The following PPHLN1 variants were observed in gnomAD, a reference collection of about 807,000 sequenced individuals.
PPHLN1 encodes the protein periphilin 1.
In PPHLN1, 29 loss-of-function variants were observed where a neutral mutation model predicts 51.3. That is an observed-to-expected ratio of 0.57 (90% CI 0.42 to 0.77). PPHLN1 has a LOEUF of 0.77. Ranked by LOEUF, PPHLN1 falls within the 30% of genes least tolerant of loss-of-function variation. PPHLN1 has a pLI of 0.00. For missense variants in PPHLN1, 436 were observed against 438.4 expected (o/e 0.99, Z 0.05); for synonymous variants, 147 against 147.8 (o/e 0.99, Z 0.04).
At chr12:42,420,702 T>G (rs867749147) in intron 9 of PPHLN1, among the ~76,000 whole-genome samples, 1 of 28,302 alleles carries the variant, frequency 3.5e-5, no homozygotes, top group Non-Finnish European at 7.8e-5. Flanking sequence ...CTCCCCTCCC[T>G]CCCTCTCTCT....
At chr12:42,397,742 T>A (rs1173558831) in intron 8 of PPHLN1, among the ~76,000 whole-genome samples, 1 of 151,754 alleles carries the variant, frequency 6.6e-6, no homozygotes, top group African/African-American at 2.4e-5. Flanking sequence ...AAAACTAGGT[T>A]TGTTTGTTTT....
chr12:42,369,469 G>T (rs903941812), intron 4 of PPHLN1, among the ~76,000 whole-genome samples: 1 of 152,096 alleles, frequency 6.6e-6, no homozygotes, highest in South Asian at 2.1e-4. Flanking sequence ...CCTTTTACTG[G>T]TTTAATGGAA....
At chr12:42,335,306 T>A (rs972760670) in intron 1 of PPHLN1, among the ~76,000 whole-genome samples, 2 of 152,080 alleles carry the variant, frequency 1.3e-5, no homozygotes, top group South Asian at 2.1e-4. Context: ...TAAAATAAAT[T>A]TATAGCGTTA....
At chr12:42,329,107 T>TG (rs1179431865) in intron 1 of PPHLN1, among the ~76,000 whole-genome samples, 3,317 of 145,350 alleles carry the variant, frequency 0.023, 49 homozygotes, top group African/African-American at 0.047. Flanking sequence ...TTTTTTTTTT[T>TG]TTGTGTGTGT....
chr12:42,372,207 G>T (rs2075871664), intron 4 of PPHLN1, among the ~76,000 whole-genome samples: 1 of 152,176 alleles, frequency 6.6e-6, no homozygotes, highest in Non-Finnish European at 1.5e-5. Flanking sequence ...ATTGAGGCCT[G>T]TTGTGATGTT....
chr12:42,433,491 T>G, intron 9 of PPHLN1: 1 of 236,594 alleles, frequency 4.2e-6, no homozygotes, highest in Non-Finnish European at 8.3e-6. Context: ...CCTGGCTAAT[T>G]TTTTCTATTT....
rs562783456 is a variant in PPHLN1 at position 42,362,708 on chromosome 12, C to G, written c.299+7486C>G. 3.9e-5 allele frequency among the ~76,000 whole-genome samples: 6 copies of G among 152,288 alleles called. No homozygotes were observed. In the South Asian group the frequency reaches 1.2e-3, roughly 32 times the overall value. On this transcript the variant is annotated intron_variant, in intron 4 of 9. Transcript: ENST00000358314. ...TGTATTCATGACTATGAGATCATGG[C>G]ATTACCTTTTCTTTTATTGCATACT... is the stretch of plus-strand genomic sequence containing the variant.
intron 1 of PPHLN1, among the ~76,000 whole-genome samples, chr12:42,328,862 A>G (rs975777795): frequency 6.6e-6 from 1 of 152,096 alleles, no homozygotes; most frequent in African/African-American, 2.4e-5. Flanking sequence ...GGCATGTCCC[A>G]CCATGCCTGG....
downstream of PPHLN1, chr12:42,446,185 G>T (rs772842043): frequency 1.2e-6 from 2 of 1,611,438 alleles, no homozygotes; most frequent in Non-Finnish European, 1.7e-6. Flanking sequence ...TGCTGAAGAA[G>T]ACAACTCAGG....
downstream of PPHLN1, chr12:42,443,810 A>G (rs2083142616): frequency 6.6e-6 from 1 of 152,236 alleles, no homozygotes; most frequent in Admixed American, 6.5e-5. Context: ...ATTGGCCTAT[A>G]GTTGTTACTG....
chr12:42,444,992 T>G (rs2140043064), downstream of PPHLN1: 1 of 694,454 alleles, frequency 1.4e-6, no homozygotes, highest in Non-Finnish European at 2.6e-6. Context: ...AAACTTTTTC[T>G]GTTCAGCCCA....
intron 1 of PPHLN1, among the ~76,000 whole-genome samples, chr12:42,333,836 T>C: frequency 6.6e-6 from 1 of 152,196 alleles, no homozygotes; most frequent in Admixed American, 6.5e-5. Flanking sequence ...ATCACTGCAG[T>C]TGGATTTTTG....
At chr12:42,350,308 G>A (rs1318334636) in intron 2 of PPHLN1, 3 of 162,134 alleles carry the variant, frequency 1.9e-5, no homozygotes, top group African/African-American at 4.8e-5. Context: ...GGGCAGAGAC[G>A]CTCCTCACTT....
intron 5 of PPHLN1, among the ~76,000 whole-genome samples, chr12:42,381,592 C>T (rs17091138): frequency 0.11 from 17,419 of 152,158 alleles, 1,269 homozygotes; most frequent in African/African-American, 0.2. Flanking sequence ...CTCTGCCCCT[C>T]TACCTGTTTC....
intron 4 of PPHLN1, chr12:42,355,534 T>C: frequency 4.7e-6 from 1 of 213,682 alleles, no homozygotes; most frequent in Non-Finnish European, 9.3e-6. Flanking sequence ...GTTAGGAGTT[T>C]GATACCAGCC....
intron 7 of PPHLN1, among the ~76,000 whole-genome samples, chr12:42,388,489 C>T (rs999616761): frequency 6.6e-6 from 1 of 152,120 alleles, no homozygotes; most frequent in African/African-American, 2.4e-5. Context: ...TATCACCCTG[C>T]TCTCCTACTG....
At chr12:42,446,322 T>C (rs748145918), downstream of PPHLN1, 1 of 1,545,630 alleles carries the variant, frequency 6.5e-7, no homozygotes, top group Non-Finnish European at 8.7e-7. Context: ...TCACTTTGCC[T>C]GTTACCCGTA....
intron 9 of PPHLN1, among the ~76,000 whole-genome samples, chr12:42,407,958 A>G (rs1258703625): frequency 6.6e-6 from 1 of 152,204 alleles, no homozygotes; most frequent in Non-Finnish European, 1.5e-5. Context: ...ACTCAGAGCC[A>G]ACTGTACCAG....
intron 9 of PPHLN1, among the ~76,000 whole-genome samples, chr12:42,423,615 A>G (rs2081185616): frequency 6.6e-6 from 1 of 152,216 alleles, no homozygotes; most frequent in Non-Finnish European, 1.5e-5. Context: ...CAGTAGAAGT[A>G]GCAATAGCTA....
Sources: gnomAD v4.1 joint callset for allele counts (sites outside exome capture counted in the v4.1 genomes callset) on GRCh38, gnomAD v4.1.1 for gene constraint, MANE v1.5 for transcripts, NCBI Gene and HGNC (gene_info 2026-07-23, HGNC 2026-07-21) for gene names.